The following TMEM117 variants were observed in gnomAD, a reference collection of about 807,000 sequenced individuals.
TMEM117 encodes transmembrane protein 117.
TMEM117 carries 27 observed loss-of-function variants against 52.4 expected under a neutral mutation model. The observed-to-expected ratio is 0.51, with a 90% CI of 0.38 to 0.71. The LOEUF is 0.71. TMEM117 is among the 30% of genes least tolerant of loss of function. The pLI, the probability that TMEM117 is intolerant of heterozygous loss-of-function variation, is 0.00. For synonymous variants in TMEM117, 215 were observed against 206.3 expected (o/e 1.04, Z -0.36); for missense variants, 556 against 630.5 (o/e 0.88, Z 1.26).
intron 3 of TMEM117, 97 bp from the exon 4 acceptor site, chr12:44,143,426 TGA>T (rs1247571523): frequency 2.5e-6 from 2 of 796,270 alleles, no homozygotes; most frequent in Admixed American, 5.3e-5. Context: ...GACAGCTTGC[TGA>T]GAATGGGAGA....
intron 6 of TMEM117, among the ~76,000 whole-genome samples, chr12:44,326,181 G>GT (rs1555152712): frequency 2.6e-5 from 4 of 151,090 alleles, no homozygotes; most frequent in Non-Finnish European, 5.9e-5. Context: ...TTTTGTTTTT[G>GT]TTTTTGTTTT....
intron 5 of TMEM117, among the ~76,000 whole-genome samples, chr12:44,269,803 A>G (rs1473283822): frequency 1.3e-5 from 2 of 152,258 alleles, no homozygotes; most frequent in African/African-American, 2.4e-5. Context: ...TATGCTTCTT[A>G]TCACTTAATA....
intron 3 of TMEM117, among the ~76,000 whole-genome samples, chr12:43,987,389 A>G (rs1945866226): frequency 6.6e-6 from 1 of 152,128 alleles, no homozygotes; most frequent in South Asian, 2.1e-4. Flanking sequence ...TGATTTTTTA[A>G]TGTGACTTTT....
chr12:44,074,849 C>T (rs1170367320), intron 3 of TMEM117, among the ~76,000 whole-genome samples: 2 of 152,098 alleles, frequency 1.3e-5, no homozygotes, highest in African/African-American at 4.8e-5. Context: ...TCCTAGAATC[C>T]TTAAGAACAT....
intron 5 of TMEM117, among the ~76,000 whole-genome samples, chr12:44,283,393 G>A (rs1269652306): frequency 6.6e-6 from 1 of 152,168 alleles, no homozygotes; most frequent in Non-Finnish European, 1.5e-5. Context: ...AGTCACAGGG[G>A]CGGAGCTGCC....
At chr12:44,348,270 A>C (rs1016050720) in intron 6 of TMEM117, among the ~76,000 whole-genome samples, 4 of 43,200 alleles carry the variant, frequency 9.3e-5, no homozygotes, top group African/African-American at 2.6e-4. Flanking sequence ...TTAAGAATGA[A>C]AAAAAAAAAA....
At chr12:44,320,159 A>C (rs77781034) in intron 6 of TMEM117, among the ~76,000 whole-genome samples, 4,286 of 152,278 alleles carry the variant, frequency 0.028, 99 homozygotes, top group African/African-American at 0.055. Flanking sequence ...ACAGTTATCT[A>C]TCCAGTCACT....
At chr12:43,897,280 A>G (rs969220784) in intron 2 of TMEM117, among the ~76,000 whole-genome samples, 1 of 148,544 alleles carries the variant, frequency 6.7e-6, no homozygotes, top group African/African-American at 2.5e-5. Context: ...CTTACCTATC[A>G]GTTCCATCTA....
chr12:44,087,380 C>T (rs1027931342), intron 3 of TMEM117, among the ~76,000 whole-genome samples: 2 of 151,902 alleles, frequency 1.3e-5, no homozygotes, highest in African/African-American at 2.4e-5. Flanking sequence ...CAGTAAGCAC[C>T]TTAGTTGATA....
chr12:44,224,432 C>A (rs1287918917), intron 5 of TMEM117, among the ~76,000 whole-genome samples: 1 of 151,992 alleles, frequency 6.6e-6, no homozygotes, highest in African/African-American at 2.4e-5. Context: ...TTCATCTGTG[C>A]CAACTCTAGC....
At chr12:43,876,565 G>T (rs1312510514) in intron 2 of TMEM117, among the ~76,000 whole-genome samples, 7 of 152,132 alleles carry the variant, frequency 4.6e-5, no homozygotes, top group Non-Finnish European at 8.8e-5. Context: ...TCACAGCCTT[G>T]TTAGAATGAT....
intron 2 of TMEM117, among the ~76,000 whole-genome samples, chr12:43,860,154 C>T (rs2137394880): frequency 6.6e-6 from 1 of 152,302 alleles, no homozygotes; most frequent in South Asian, 2.1e-4. Context: ...GGTATTTCTC[C>T]TAATGCTATC....
intron 2 of TMEM117, among the ~76,000 whole-genome samples, chr12:43,895,324 G>A (rs1944180268): frequency 6.6e-6 from 1 of 152,232 alleles, no homozygotes; most frequent in African/African-American, 2.4e-5. Flanking sequence ...CAAAGGACAT[G>A]ATCTTGTTCT....
chr12:44,213,751 G>C (rs1949677824), intron 5 of TMEM117, among the ~76,000 whole-genome samples: 1 of 152,214 alleles, frequency 6.6e-6, no homozygotes, highest in South Asian at 2.1e-4. Context: ...GCTGCCATGT[G>C]AAGAAGGACG....
intron 6 of TMEM117, among the ~76,000 whole-genome samples, chr12:44,335,447 A>C (rs1055449054): frequency 1.3e-5 from 2 of 152,078 alleles, no homozygotes; most frequent in South Asian, 4.1e-4. Context: ...ATAGCAGTTC[A>C]ATCAGGTAAG....
intron 2 of TMEM117, among the ~76,000 whole-genome samples, chr12:43,866,856 T>C (rs1402488872): frequency 6.6e-6 from 1 of 152,210 alleles, no homozygotes; most frequent in Non-Finnish European, 1.5e-5. Flanking sequence ...TTTGGGAGGC[T>C]GAGGCGGGTG....
chr12:44,361,548 A>G (rs1951720632), intron 6 of TMEM117, among the ~76,000 whole-genome samples: 1 of 152,194 alleles, frequency 6.6e-6, no homozygotes, highest in South Asian at 2.1e-4. Flanking sequence ...TTTCTGGCAC[A>G]TGGTAAACAC....
chr12:44,216,858 G>T (rs1393025202), intron 5 of TMEM117, among the ~76,000 whole-genome samples: 1 of 152,046 alleles, frequency 6.6e-6, no homozygotes, highest in Non-Finnish European at 1.5e-5. Context: ...TTTCTCTTTT[G>T]GATGTGCAAT....
At position 44,089,648 on chromosome 12, in the gene TMEM117, A is replaced by G. The variant is rs138636830; in HGVS notation, c.411-53877A>G. Among the ~76,000 whole-genome samples the G allele has an allele frequency of 9.9e-5, 15 of 152,280 alleles. No homozygotes were observed. The East Asian group carries it at 1.9e-3, about 20-fold the overall frequency. On this transcript the variant is annotated intron_variant, in intron 3 of 7. Coordinates refer to ENST00000266534, the MANE Select transcript of TMEM117 (RefSeq NM_032256.3). ...ATGAGAATACACTTATCATGAATCT[A>G]TAATTCTCCTGTAACACCTTTCCTC...
Sources: allele counts gnomAD v4.1 joint callset (sites outside exome capture counted in the v4.1 genomes callset), GRCh38; gene constraint gnomAD v4.1.1; transcripts MANE v1.5; gene names NCBI Gene and HGNC (gene_info 2026-07-23, HGNC 2026-07-21).